RPS6KA2: variants seen among roughly 807,000 people sequenced by gnomAD.
RPS6KA2 encodes ribosomal protein S6 kinase A2.
Under a neutral mutation model 91.8 loss-of-function variants are expected in RPS6KA2, and 42 were observed. The ratio of observed to expected loss-of-function variants is 0.46; its 90% CI spans 0.36 to 0.59. The LOEUF is 0.59. RPS6KA2 is among the 20% of genes least tolerant of loss of function. The pLI is 0.00. For synonymous variants in RPS6KA2, 414 were observed against 393.6 expected, an observed-to-expected ratio of 1.05 and a Z score of -0.61; for missense variants, 798 against 978.5, an observed-to-expected ratio of 0.82 and a Z score of 2.46.
intron 1 of RPS6KA2, among the ~76,000 whole-genome samples, chr6:166,569,273 C>T (rs1784605671): frequency 6.6e-6 from 1 of 152,204 alleles, no homozygotes; most frequent in African/African-American, 2.4e-5. Flanking sequence ...TCCCGTCTTC[C>T]ATGGCGGGTT....
At chr6:166,501,512 G>A (rs906040202) in intron 6 of RPS6KA2, among the ~76,000 whole-genome samples, 1 of 152,220 alleles carries the variant, frequency 6.6e-6, no homozygotes, top group Non-Finnish European at 1.5e-5. Flanking sequence ...ACCCCTGCGG[G>A]CCACTGGGTC....
rs373441779 is a variant in RPS6KA2, at chr6:166,773,895, C to T, written c.123+84305G>A. On this transcript the variant is annotated intron_variant, in intron 2 of 21. Coordinates refer to the RPS6KA2 transcript ENST00000503859. ...CTCCAGGGGTATTCCGTGAAGAGGA[C>T]ACTTGTCATATAGCCAAGCATGCTT... Among the ~76,000 whole-genome samples, 5 of 152,318 alleles carry T rather than the reference C, an allele frequency of 3.3e-5. No individual in the cohort carries two copies. In the East Asian group the frequency reaches 7.7e-4, roughly 23 times the overall value.
At chr6:166,680,008 G>T (rs2128565152) in intron 2 of RPS6KA2, among the ~76,000 whole-genome samples, 1 of 152,340 alleles carries the variant, frequency 6.6e-6, no homozygotes, top group East Asian at 1.9e-4. Context: ...GAATTTTTCT[G>T]TCTAGCTAAA....
At chr6:166,716,402 G>A (rs770654986) in intron 2 of RPS6KA2, among the ~76,000 whole-genome samples, 7 of 152,194 alleles carry the variant, frequency 4.6e-5, no homozygotes, top group Non-Finnish European at 1.0e-4. Flanking sequence ...CCTGTCCTGC[G>A]AGGCAGCCCC....
rs564062441 is a variant in RPS6KA2 at position 166,505,806 on chromosome 6, T to A, written c.460-1194A>T. 3.3e-5 allele frequency among the ~76,000 whole-genome samples: 5 copies of A among 152,312 alleles called. No individual in the cohort carries two copies. The East Asian group carries it at 9.7e-4, about 29-fold the overall frequency. ...TTGGCCAGCGCCTTTCCCGGATGTA[T>A]GTTTCTTTTCTAGATCGGTTAAGGT... On this transcript the variant is annotated intron_variant, in intron 5 of 20. Transcript: ENST00000265678.
intron 2 of RPS6KA2, among the ~76,000 whole-genome samples, chr6:166,658,070 T>C (rs148009883): frequency 6.8e-4 from 103 of 152,164 alleles, no homozygotes; most frequent in Non-Finnish European, 1.3e-3. Context: ...TTAGTAGAGA[T>C]GGTGTTTTTC....
intron 2 of RPS6KA2, among the ~76,000 whole-genome samples, chr6:166,760,230 G>T (rs1778130220): frequency 6.6e-6 from 1 of 152,220 alleles, no homozygotes; most frequent in African/African-American, 2.4e-5. Flanking sequence ...TTTGGAGAGA[G>T]GAAGGTGGGC....
chr6:166,637,017 G>A (rs757502255), intron 2 of RPS6KA2, among the ~76,000 whole-genome samples: 2 of 152,184 alleles, frequency 1.3e-5, no homozygotes, highest in Non-Finnish European at 1.5e-5. Context: ...GAGGAAATTC[G>A]GCAGCATCTG....
At chr6:166,446,421 C>A (rs1254889001) in intron 14 of RPS6KA2, among the ~76,000 whole-genome samples, 1 of 152,200 alleles carries the variant, frequency 6.6e-6, no homozygotes, top group Non-Finnish European at 1.5e-5. Flanking sequence ...AAATCCCTGC[C>A]ATGTCTGCTG....
At chr6:166,856,776 C>T (rs1055917234) in intron 2 of RPS6KA2, among the ~76,000 whole-genome samples, 3 of 152,220 alleles carry the variant, frequency 2.0e-5, no homozygotes, top group African/African-American at 7.2e-5. Context: ...ATCTTCCTTT[C>T]CTACCCCTAC....
intron 2 of RPS6KA2, among the ~76,000 whole-genome samples, chr6:166,747,275 G>A (rs1168891578): frequency 1.3e-5 from 2 of 152,108 alleles, no homozygotes; most frequent in African/African-American, 2.4e-5. Flanking sequence ...TCCCATTCGT[G>A]TACAAAGGAC....
At chr6:166,769,006 T>A (rs1010232051) in intron 2 of RPS6KA2, among the ~76,000 whole-genome samples, 3 of 152,132 alleles carry the variant, frequency 2.0e-5, no homozygotes, top group African/African-American at 7.2e-5. Flanking sequence ...CACTTTCCAG[T>A]TCCAACTATG....
Position 166,411,947 on chromosome 6 carries a change from T to C in RPS6KA2, c.*815A>G, listed in dbSNP as rs1441040295. 1 of 152,236 alleles carries C rather than the reference T, an allele frequency of 6.6e-6. No homozygotes were observed. The highest frequency in any genetic ancestry group is 2.4e-5 in the African/African-American group (1 of 41,430). The allele number at this position is 152,236 out of a possible 1,614,324, so 9.4% of individuals were successfully genotyped here. A position where few individuals can be genotyped will look rare whatever the true frequency, so the allele number is the denominator to read the frequency against. Reference sequence around the variant, plus strand: ...CACGACTCCCTGCAAAGCCTCCAGATAGCTGTGTGGCCACGGGAGCTGGGG... The same window carrying C: ...CACGACTCCCTGCAAAGCCTCCAGACAGCTGTGTGGCCACGGGAGCTGGGG... On this transcript the variant is annotated 3_prime_UTR_variant, in exon 21 of 21. Transcript: ENST00000265678. This position sits in a 1 kb window ranked among gnomAD's most constrained non-coding sequence, Gnocchi z 4.5.
intron 16 of RPS6KA2, among the ~76,000 whole-genome samples, chr6:166,429,263 ACAT>A (rs1779037054): frequency 1.6e-5 from 2 of 126,364 alleles, no homozygotes; most frequent in Admixed American, 9.9e-5. Context: ...AGGAAGGGAA[ACAT>A]CATACTCTGG....
intron 2 of RPS6KA2, among the ~76,000 whole-genome samples, chr6:166,819,187 AGGGGTTTCT>A (rs1226763167): frequency 6.6e-6 from 1 of 152,030 alleles, no homozygotes; most frequent in Non-Finnish European, 1.5e-5. Flanking sequence ...TCCCTATAAG[AGGGGTTTCT>A]GTTCTCTTCC....
chr6:166,512,068 A>G (rs753685330), intron 3 of RPS6KA2, among the ~76,000 whole-genome samples: 40 of 152,238 alleles, frequency 2.6e-4, no homozygotes, highest in Non-Finnish European at 5.3e-4. Flanking sequence ...TGGATGAACA[A>G]AATGTGATGC....
intron 1 of RPS6KA2, among the ~76,000 whole-genome samples, chr6:166,625,323 A>G (rs371460585): frequency 1.6e-4 from 5 of 30,392 alleles, no homozygotes; most frequent in African/African-American, 4.4e-4. Context: ...TATTCCCACC[A>G]CCCCCCCACC....
intron 19 of RPS6KA2, among the ~76,000 whole-genome samples, chr6:166,416,208 A>T (rs1778511642): frequency 6.6e-6 from 1 of 151,938 alleles, no homozygotes. Flanking sequence ...CAACCCTACC[A>T]TCACCCTCGC....
chr6:166,672,341 T>C (rs1788495460), intron 2 of RPS6KA2, among the ~76,000 whole-genome samples: 1 of 152,164 alleles, frequency 6.6e-6, no homozygotes, highest in Non-Finnish European at 1.5e-5. Context: ...AGCCGGCAGA[T>C]ACTATTCATC....
Sources: allele counts gnomAD v4.1 joint callset (sites outside exome capture counted in the v4.1 genomes callset), GRCh38; gene constraint gnomAD v4.1.1; non-coding constraint Gnocchi (gnomAD v3.1); transcripts MANE v1.5; gene names NCBI Gene and HGNC (gene_info 2026-07-23, HGNC 2026-07-21).